Variants in TEK observed in about 807,000 individuals in gnomAD.
The protein encoded by TEK is angiopoietin-1 receptor.
TEK carries 43 observed loss-of-function variants against 131.8 expected under a neutral mutation model. The ratio of observed to expected loss-of-function variants is 0.33; its 90% CI spans 0.26 to 0.42. TEK has a LOEUF of 0.42. TEK is among the 10% of genes least tolerant of loss of function. The probability of loss-of-function intolerance (pLI) is 1.00; values close to 1 mark genes in which losing one functional copy is unlikely to be tolerated. For missense variants in TEK, 1,162 were observed against 1,384.4 expected (o/e 0.84, Z 2.55); for synonymous variants, 580 against 491.6 (o/e 1.18, Z -2.38).
chr9:27,191,519 T>G (rs1824823029), intron 10 of TEK, among the ~76,000 whole-genome samples: 1 of 152,074 alleles, frequency 6.6e-6, no homozygotes, highest in Non-Finnish European at 1.5e-5. Context: ...CCCATACCTT[T>G]GTCTTACTAT....
At chr9:27,201,930 AGT>A (rs1441615638) in intron 12 of TEK, among the ~76,000 whole-genome samples, 1 of 152,184 alleles carries the variant, frequency 6.6e-6, no homozygotes, top group Non-Finnish European at 1.5e-5. Flanking sequence ...AAGTCAAGAG[AGT>A]GTCTGCATGT....
intron 7 of TEK, among the ~76,000 whole-genome samples, chr9:27,182,413 C>T (rs748253298): frequency 1.9e-4 from 29 of 152,146 alleles, no homozygotes; most frequent in Non-Finnish European, 4.1e-4. Context: ...AAACTTGGCA[C>T]GTTTTCCATA....
rs1416661592 is a variant in TEK at position 27,157,858 on chromosome 9, T to C, written c.80T>C (p.Ile27Thr). The C allele has an allele frequency of 1.2e-6, 2 of 1,614,034 alleles. No individual in the cohort carries two copies. Among genetic ancestry groups the C allele is most frequent in the Non-Finnish European group, 1.7e-6 (2 of 1,180,020 alleles). Reference protein sequence around the residue: ...SGTVEGAMDLILINSLPLVSD... With the variant: ...SGTVEGAMDLTLINSLPLVSD... ...ACTGTGGAAGGTGCCATGGACTTGA[T>C]CTTGATCAATTCCCTACCTCTTGTA... Residue 27 changes from isoleucine (I) to threonine (T), a missense_variant, in exon 2 of 23, where the codon ATC becomes ACC. Physicochemically the swap from Ile to Thr is moderately conservative, Grantham distance 89 (BLOSUM62 -1). Around this residue, in one of 6 missense-constraint regions of TEK, gnomAD observed 436 missense variants for 539.1 expected, o/e 0.81. Transcript: ENST00000380036.
At chr9:27,148,689 G>A (rs1823022278) in intron 1 of TEK, among the ~76,000 whole-genome samples, 1 of 152,242 alleles carries the variant, frequency 6.6e-6, no homozygotes, top group Non-Finnish European at 1.5e-5. Context: ...ACTTCTTGAT[G>A]GAATGAAATG....
intron 1 of TEK, among the ~76,000 whole-genome samples, chr9:27,146,585 G>A (rs555376983): frequency 6.6e-6 from 1 of 152,210 alleles, no homozygotes; most frequent in South Asian, 2.1e-4. Flanking sequence ...GCTGCAAGTA[G>A]CAATAGGTTT....
intron 1 of TEK, among the ~76,000 whole-genome samples, chr9:27,144,011 C>T (rs530815279): frequency 1.1e-4 from 16 of 152,276 alleles, no homozygotes; most frequent in African/African-American, 3.1e-4. Flanking sequence ...AGGTTGGGCG[C>T]GGTGGCTTAC....
chr9:27,158,259 G>A (rs1372177041), intron 2 of TEK, 117 bp downstream of exon 2: 7 of 1,197,202 alleles, frequency 5.8e-6, no homozygotes, highest in South Asian at 2.5e-5. Flanking sequence ...AGAGCTTGAC[G>A]ATCTTGCCTG....
intron 21 of TEK, among the ~76,000 whole-genome samples, chr9:27,221,756 G>T (rs1462399700): frequency 6.6e-6 from 1 of 151,962 alleles, no homozygotes; most frequent in Non-Finnish European, 1.5e-5. Flanking sequence ...AACCTCATCT[G>T]AAGGTAGATA....
chr9:27,176,366 G>A (rs1824172912), intron 6 of TEK, among the ~76,000 whole-genome samples: 1 of 152,176 alleles, frequency 6.6e-6, no homozygotes, highest in Non-Finnish European at 1.5e-5. Flanking sequence ...TTGCCAGGAA[G>A]AAAGTTCTAG....
Position 27,173,365 on chromosome 9 carries a change from A to G in TEK, c.901+3A>G. ...GAAGGGTCTGCAGTGCAATGAAGGT[A>G]TGCACCAATCACACCCTTGGACAGA... On this transcript the variant is annotated splice_donor_region_variant and intron_variant, in intron 6 of 22. Transcript: ENST00000380036. The G allele has an allele frequency of 6.2e-7, 1 of 1,613,838 alleles. No homozygotes were observed. The highest frequency in any genetic ancestry group is 8.5e-7 in the Non-Finnish European group (1 of 1,179,814).
chr9:27,148,916 G>T (rs1183531035), intron 1 of TEK, among the ~76,000 whole-genome samples: 1 of 152,130 alleles, frequency 6.6e-6, no homozygotes, highest in Non-Finnish European at 1.5e-5. Flanking sequence ...TGTATAGAAG[G>T]TTTTGGCTTT....
rs79759333 is a variant in TEK, at chr9:27,109,899, C to A, written c.52+257C>A. 2.2e-3 allele frequency among the ~76,000 whole-genome samples: 329 copies of A among 152,282 alleles called. 3 individuals are homozygous for A. The highest frequency in any genetic ancestry group is 7.4e-3 in the African/African-American group (308 of 41,574). ...GAAACTCTTTGAGGACCGATTAAAT[C>A]ATCTTATTTGAAGAGATCCCCTTAC... is the stretch of plus-strand genomic sequence containing the variant. On this transcript the variant is annotated intron_variant, in intron 1 of 22. Coordinates refer to ENST00000380036, the MANE Select transcript of TEK (RefSeq NM_000459.5).
In TEK at chr9:27,220,092, G is replaced by C. The variant is rs1313264330; in HGVS notation, c.3147G>C (p.Glu1049Asp). ...GGATGACTTGTGCAGAACTCTACGA[G>C]AAGCTGCCCCAGGGCTACAGACTGG... ...YCGMTCAELY[E>D]KLPQGYRLEK... is the part of the protein sequence containing the mutation. Residue 1049 changes from glutamate (E) to aspartate (D), a missense_variant, in exon 21 of 23, where the codon GAG (glutamate) becomes GAC (aspartate). Physicochemically the swap from Glu to Asp is conservative, Grantham distance 45. Transcript: ENST00000380036. 2.5e-6 allele frequency: 4 copies of C among 1,614,092 alleles called. No homozygotes were observed. Among genetic ancestry groups the C allele is most frequent in the Non-Finnish European group, 3.4e-6 (4 of 1,179,984 alleles).
chr9:27,170,442 T>C (rs1186793482), intron 4 of TEK, among the ~76,000 whole-genome samples: 1 of 152,032 alleles, frequency 6.6e-6, no homozygotes, highest in East Asian at 1.9e-4. Context: ...CTGGGCAACA[T>C]GGCAAAACCC....
chr9:27,211,297 T>G (rs933539059), intron 16 of TEK, among the ~76,000 whole-genome samples: 1 of 150,062 alleles, frequency 6.7e-6, no homozygotes, highest in East Asian at 1.9e-4. Context: ...TTAAATTATT[T>G]TAAAATAATT....
At chr9:27,209,753 T>C (rs1016037798) in intron 16 of TEK, among the ~76,000 whole-genome samples, 2 of 152,266 alleles carry the variant, frequency 1.3e-5, no homozygotes, top group Admixed American at 1.3e-4. Flanking sequence ...CATGTACAAT[T>C]ACAATGGAGC....
At chr9:27,152,218 T>C (rs1409560301) in intron 1 of TEK, among the ~76,000 whole-genome samples, 1 of 152,238 alleles carries the variant, frequency 6.6e-6, no homozygotes, top group Non-Finnish European at 1.5e-5. Context: ...TGACGCATTA[T>C]TCCAAACACA....
intron 2 of TEK, among the ~76,000 whole-genome samples, chr9:27,162,171 T>G (rs913060790): frequency 5.9e-5 from 9 of 152,332 alleles, no homozygotes; most frequent in Non-Finnish European, 1.3e-4. Context: ...CAAAACTATG[T>G]TTTCATGTCA....
At chr9:27,218,213 C>A (rs1309685890) in intron 19 of TEK, among the ~76,000 whole-genome samples, 1 of 149,648 alleles carries the variant, frequency 6.7e-6, no homozygotes, top group African/African-American at 2.5e-5. Context: ...AGATTTAGGT[C>A]ATCTTGCCTT....
Sources: allele counts gnomAD v4.1 joint callset (sites outside exome capture counted in the v4.1 genomes callset), GRCh38; gene constraint gnomAD v4.1.1; regional missense constraint gnomAD v4.1.1; transcripts MANE v1.5; gene names NCBI Gene and HGNC (gene_info 2026-07-23, HGNC 2026-07-21).